Variants in PRKCA observed in about 807,000 individuals in gnomAD.
The protein encoded by PRKCA is protein kinase C alpha, also known as protein kinase C alpha type.
In PRKCA, 27 loss-of-function variants were observed where a neutral mutation model predicts 87.0. That is an observed-to-expected ratio of 0.31 (90% CI 0.23 to 0.43). PRKCA has a LOEUF of 0.43. Ranked by LOEUF, PRKCA falls within the 20% of genes least tolerant of loss-of-function variation. The pLI is 1.00. For synonymous variants in PRKCA, 329 were observed against 311.1 expected (o/e 1.06, Z -0.61); for missense variants, 518 against 852.3 (o/e 0.61, Z 4.88).
chr17:66,409,027 CA>C (rs1490222890), intron 2 of PRKCA, among the ~76,000 whole-genome samples: 1 of 77,212 alleles, frequency 1.3e-5, no homozygotes, highest in African/African-American at 5.4e-5. Flanking sequence ...ACTCCCTCCC[CA>C]GTCTCAAAAA....
At chr17:66,377,627 TATGTCTATATTATATATATA>T (rs1471696039) in intron 2 of PRKCA, among the ~76,000 whole-genome samples, 14 of 144,142 alleles carry the variant, frequency 9.7e-5, no homozygotes, top group African/African-American at 2.8e-4. Flanking sequence ...ATATTATATA[TATGTCTATATTATATATATA>T]ATGTCTATAT....
intron 5 of PRKCA, among the ~76,000 whole-genome samples, chr17:66,666,286 C>T (rs1292444904): frequency 6.6e-6 from 1 of 152,168 alleles, no homozygotes; most frequent in Non-Finnish European, 1.5e-5. Flanking sequence ...TGTTGGATGG[C>T]AGCAGACTAA....
chr17:66,755,751 G>A (rs1974533179), intron 13 of PRKCA, among the ~76,000 whole-genome samples: 1 of 152,150 alleles, frequency 6.6e-6, no homozygotes, highest in South Asian at 2.1e-4. Flanking sequence ...ATCCTGACAA[G>A]TGAAAAGCTG....
At chr17:66,580,195 C>A (rs1326608156) in intron 3 of PRKCA, among the ~76,000 whole-genome samples, 1 of 152,346 alleles carries the variant, frequency 6.6e-6, no homozygotes, top group South Asian at 2.1e-4. Context: ...TGATACTTTA[C>A]TCATGGAGTA....
At chr17:66,635,252 T>C (rs902518414) in intron 3 of PRKCA, among the ~76,000 whole-genome samples, 1 of 135,996 alleles carries the variant, frequency 7.4e-6, no homozygotes, top group Non-Finnish European at 1.7e-5. Context: ...ATTTCCATGA[T>C]GAATTTGATG....
intron 2 of PRKCA, among the ~76,000 whole-genome samples, chr17:66,455,287 A>G (rs1914531040): frequency 6.6e-6 from 1 of 152,146 alleles, no homozygotes. Flanking sequence ...TCGGCTCCCC[A>G]CACACTTCAC....
intron 2 of PRKCA, among the ~76,000 whole-genome samples, chr17:66,476,151 C>T (rs1020658850): frequency 5.3e-5 from 8 of 152,146 alleles, no homozygotes; most frequent in African/African-American, 1.2e-4. Flanking sequence ...TCGCCTGCCT[C>T]GGCCTCCCAC....
chr17:66,310,092 C>T (rs141481851), intron 2 of PRKCA, among the ~76,000 whole-genome samples: 130 of 152,176 alleles, frequency 8.5e-4, no homozygotes, highest in Admixed American at 2.2e-3. Context: ...AACACCCATG[C>T]ACTTCTCTAA....
chr17:66,432,319 G>T (rs1913142134), intron 2 of PRKCA, among the ~76,000 whole-genome samples: 1 of 152,136 alleles, frequency 6.6e-6, no homozygotes. Flanking sequence ...CCGTGTACTG[G>T]TTCTGAGCTG....
At chr17:66,558,054 T>G (rs1296647534) in intron 3 of PRKCA, among the ~76,000 whole-genome samples, 2 of 152,340 alleles carry the variant, frequency 1.3e-5, no homozygotes, top group East Asian at 3.9e-4. Flanking sequence ...GCTGAAATGT[T>G]TAAGAACTTT....
At chr17:66,512,815 CTT>C (rs1474871514) in intron 3 of PRKCA, among the ~76,000 whole-genome samples, 1 of 152,106 alleles carries the variant, frequency 6.6e-6, no homozygotes, top group Admixed American at 6.6e-5. Context: ...GCCTCAGCCT[CTT>C]GAGTGGCTGG....
chr17:66,423,496 T>G (rs953455278), intron 2 of PRKCA, among the ~76,000 whole-genome samples: 3 of 152,216 alleles, frequency 2.0e-5, no homozygotes, highest in Admixed American at 2.0e-4. Flanking sequence ...AGAAAGATGT[T>G]CATTACTTAC....
intron 3 of PRKCA, among the ~76,000 whole-genome samples, chr17:66,633,776 T>G (rs1450880522): frequency 6.6e-6 from 1 of 152,198 alleles, no homozygotes; most frequent in Non-Finnish European, 1.5e-5. Flanking sequence ...TGCAGTGATG[T>G]CAGTTCAAAT....
chr17:66,694,000 A>G (rs1181327158), intron 8 of PRKCA, among the ~76,000 whole-genome samples: 2 of 152,180 alleles, frequency 1.3e-5, no homozygotes, highest in Non-Finnish European at 2.9e-5. Flanking sequence ...AATGGAAAAA[A>G]TAGGTCAGGA....
At chr17:66,680,957 A>G (rs923933513) in intron 5 of PRKCA, among the ~76,000 whole-genome samples, 7 of 152,162 alleles carry the variant, frequency 4.6e-5, no homozygotes, top group South Asian at 2.1e-4. Flanking sequence ...GACTGGGTGC[A>G]GTGGCTCAGG....
At chr17:66,715,893 C>A (rs751278984) in intron 8 of PRKCA, among the ~76,000 whole-genome samples, 6 of 152,160 alleles carry the variant, frequency 3.9e-5, no homozygotes, top group Non-Finnish European at 8.8e-5. Context: ...AAACTGAATA[C>A]CACAAGAGGG....
intron 8 of PRKCA, among the ~76,000 whole-genome samples, chr17:66,729,701 T>C (rs1354942522): frequency 6.6e-6 from 1 of 152,014 alleles, no homozygotes; most frequent in Non-Finnish European, 1.5e-5. Context: ...TTTTAATGTC[T>C]CTGGTCAAAT....
intron 8 of PRKCA, among the ~76,000 whole-genome samples, chr17:66,705,637 A>C (rs1973173613): frequency 6.6e-6 from 1 of 152,188 alleles, no homozygotes; most frequent in Non-Finnish European, 1.5e-5. Flanking sequence ...CAAGCCTGTT[A>C]TTAAATGTTA....
intron 3 of PRKCA, among the ~76,000 whole-genome samples, chr17:66,505,649 C>A (rs1742672647): frequency 6.6e-6 from 1 of 152,066 alleles, no homozygotes; most frequent in Non-Finnish European, 1.5e-5. Context: ...GGAACCCAGT[C>A]AGAATAAGGG....
Sources: allele counts gnomAD v4.1 joint callset (sites outside exome capture counted in the v4.1 genomes callset), GRCh38; gene constraint gnomAD v4.1.1; transcripts MANE v1.5; gene names NCBI Gene and HGNC (gene_info 2026-07-23, HGNC 2026-07-21).